ADGRB3: variants seen among roughly 807,000 people sequenced by gnomAD.
The protein encoded by ADGRB3 is adhesion G protein-coupled receptor B3.
ADGRB3 carries 37 observed loss-of-function variants against 193.4 expected under a neutral mutation model. The observed-to-expected ratio is 0.19, with a 90% CI of 0.15 to 0.25. The LOEUF is 0.25. ADGRB3 is among the 10% of genes least tolerant of loss of function. ADGRB3 has a pLI of 1.00. For missense variants in ADGRB3, 1,637 were observed against 1,852.9 expected (o/e 0.88, Z 2.14); for synonymous variants, 690 against 644.2 (o/e 1.07, Z -1.08).
chr6:68,853,137 G>A (rs1768439206), intron 3 of ADGRB3, among the ~76,000 whole-genome samples: 1 of 151,992 alleles, frequency 6.6e-6, no homozygotes, highest in Non-Finnish European at 1.5e-5. Context: ...ATTAGTGTCT[G>A]TAATTTATTT....
In ADGRB3 at chr6:69,360,875, A is replaced by T; in HGVS notation, c.3602A>T (p.His1201Leu). The T allele has an allele frequency of 6.3e-7, 1 of 1,592,866 alleles. No homozygotes were observed. The highest frequency in any genetic ancestry group is 8.5e-7 in the Non-Finnish European group (1 of 1,170,008). Residue 1201 changes from histidine (H) to leucine (L), a missense_variant, in exon 29 of 32, where the codon CAT (histidine) becomes CTT (leucine). Physicochemically the swap from His to Leu is moderately conservative, Grantham distance 99. Transcript: ENST00000370598. ...DVDIACRSVL[H>L]KDIGPCRAAT... ...TTTACATTCCTACTCACAGTTCTTC[A>T]TAAGGATATTGGTCCTTGCCGAGCA...
intron 3 of ADGRB3, among the ~76,000 whole-genome samples, chr6:68,879,526 CCTA>C (rs1765680941): frequency 6.6e-6 from 1 of 152,120 alleles, no homozygotes; most frequent in Non-Finnish European, 1.5e-5. Flanking sequence ...CCGCGCCTGG[CCTA>C]CTTTTTGTTG....
At chr6:68,810,751 A>T (rs1449231595) in intron 3 of ADGRB3, among the ~76,000 whole-genome samples, 3 of 152,188 alleles carry the variant, frequency 2.0e-5, no homozygotes, top group Non-Finnish European at 4.4e-5. Context: ...AAAATAATAT[A>T]AAAAAGTGAA....
At chr6:69,092,946 G>A (rs1772758201) in intron 17 of ADGRB3, among the ~76,000 whole-genome samples, 1 of 151,604 alleles carries the variant, frequency 6.6e-6, no homozygotes, top group African/African-American at 2.4e-5. Flanking sequence ...GGGCAGCCGA[G>A]ATTCAGGGGT....
At chr6:69,080,425 G>T (rs1174653322) in intron 17 of ADGRB3, among the ~76,000 whole-genome samples, 1 of 152,008 alleles carries the variant, frequency 6.6e-6, no homozygotes, top group Non-Finnish European at 1.5e-5. Flanking sequence ...CTGGGATAGA[G>T]TGGGACCAAA....
chr6:68,705,367 A>C (rs544234209), intron 3 of ADGRB3, among the ~76,000 whole-genome samples: 3 of 152,352 alleles, frequency 2.0e-5, no homozygotes, highest in Admixed American at 6.5e-5. Flanking sequence ...TACTTGACTT[A>C]AGTTCTGAAG....
chr6:69,324,682 A>G (rs1172816404), intron 20 of ADGRB3, among the ~76,000 whole-genome samples, 190 bp from the exon 21 acceptor site: 3 of 151,794 alleles, frequency 2.0e-5, no homozygotes, highest in East Asian at 1.9e-4. Flanking sequence ...TTTTTTTTCC[A>G]TTGTAAATAC....
intron 3 of ADGRB3, among the ~76,000 whole-genome samples, chr6:68,899,608 A>C (rs1269470289): frequency 1.3e-5 from 2 of 152,074 alleles, no homozygotes; most frequent in East Asian, 3.9e-4. Flanking sequence ...ATGTCCCTAC[A>C]AAAGACATGA....
At chr6:69,024,385 A>T (rs528705525) in intron 13 of ADGRB3, among the ~76,000 whole-genome samples, 1 of 152,334 alleles carries the variant, frequency 6.6e-6, no homozygotes, top group African/African-American at 2.4e-5. Flanking sequence ...AAGTGCAGAC[A>T]CAGTGAACAG....
intron 6 of ADGRB3, among the ~76,000 whole-genome samples, chr6:68,954,667 TTA>T (rs1421124851): frequency 1.3e-5 from 2 of 151,482 alleles, no homozygotes; most frequent in Middle Eastern, 3.4e-3. Context: ...TATGTATTAT[TTA>T]AATCGTTCAA....
rs1468313815 is a variant in ADGRB3, at chr6:69,388,837, G to A, written c.4515G>A (p.Lys1505=). Residue 1505 remains lysine (K), a synonymous_variant, in exon 32 of 32, where the codon AAG becomes AAA. Transcript: ENST00000370598. The part of the protein sequence containing the change: ...ALELRPAEWE[K]CLNLPLDVQE... ...AACTGAGGCCAGCAGAGTGGGAGAAGTGTCTGAATTTGCCTCTGGATGTGC... is the reference window on the plus strand; with the variant it reads ...AACTGAGGCCAGCAGAGTGGGAGAAATGTCTGAATTTGCCTCTGGATGTGC... 1.2e-6 allele frequency: 2 copies of A among 1,613,374 alleles called. No individual in the cohort carries two copies. Among genetic ancestry groups the A allele is most frequent in the African/African-American group, 2.7e-5 (2 of 74,888 alleles).
intron 3 of ADGRB3, among the ~76,000 whole-genome samples, chr6:68,790,648 A>C (rs1166017482): frequency 6.6e-6 from 1 of 152,308 alleles, no homozygotes; most frequent in African/African-American, 2.4e-5. Flanking sequence ...GCTGTTCTGC[A>C]GCCACCACTG....
intron 6 of ADGRB3, among the ~76,000 whole-genome samples, chr6:68,949,862 A>G (rs1013092525): frequency 6.6e-6 from 1 of 151,924 alleles, no homozygotes; most frequent in Non-Finnish European, 1.5e-5. Context: ...TTACCATTTA[A>G]TATTTTTTTC....
chr6:68,759,303 A>G lies in ADGRB3; in HGVS notation c.757+119871A>G, dbSNP rs559264539. Among the ~76,000 whole-genome samples, 12 of 152,260 alleles carry G rather than the reference A, an allele frequency of 7.9e-5. No individual in the cohort carries two copies. The East Asian group carries it at 2.3e-3, about 29-fold the overall frequency. On this transcript the variant is annotated intron_variant, in intron 3 of 31. Coordinates refer to ENST00000370598, the MANE Select transcript of ADGRB3 (RefSeq NM_001704.3). ...CAAATGAAAAGAAAATATAATCAAC[A>G]TATTCCAAATTATTTAAACTAATTT...
intron 3 of ADGRB3, among the ~76,000 whole-genome samples, chr6:68,713,913 A>G (rs1765448586): frequency 6.6e-6 from 1 of 151,724 alleles, no homozygotes; most frequent in Non-Finnish European, 1.5e-5. Flanking sequence ...TATCAAATTT[A>G]AATTATAACA....
intron 17 of ADGRB3, chr6:69,232,770 C>A (rs1025179403): frequency 1.7e-5 from 12 of 703,646 alleles, no homozygotes; most frequent in Non-Finnish European, 2.8e-5. Flanking sequence ...CCCTAACCAG[C>A]AGCAGAGAAG....
intron 3 of ADGRB3, among the ~76,000 whole-genome samples, chr6:68,745,201 T>C (rs1161026216): frequency 1.3e-5 from 2 of 152,174 alleles, no homozygotes; most frequent in South Asian, 4.1e-4. Context: ...TAAATGCCCA[T>C]TGACCATTGA....
At chr6:69,141,581 G>T (rs753015428) in intron 17 of ADGRB3, among the ~76,000 whole-genome samples, 2 of 151,954 alleles carry the variant, frequency 1.3e-5, no homozygotes, top group Non-Finnish European at 2.9e-5. Flanking sequence ...GTACCTAGTG[G>T]GTATGAGGAA....
At position 69,116,918 on chromosome 6, in the gene ADGRB3, G is replaced by T. The variant is rs186028283; in HGVS notation, c.2480+40880G>T. 4.6e-3 allele frequency among the ~76,000 whole-genome samples: 701 copies of T among 152,270 alleles called. 4 individuals are homozygous for T. The highest frequency in any genetic ancestry group is 0.016 in the African/African-American group (670 of 41,544). On this transcript the variant is annotated intron_variant, in intron 17 of 31. Coordinates refer to ENST00000370598, the MANE Select transcript of ADGRB3 (RefSeq NM_001704.3). ...CTCAGCACTGCAAGCCTGGTTCTTG[G>T]CTGGTGGGCCTCTGTGTGGCCAGCT...
Sources: allele counts gnomAD v4.1 joint callset (sites outside exome capture counted in the v4.1 genomes callset), GRCh38; gene constraint gnomAD v4.1.1; transcripts MANE v1.5; gene names NCBI Gene and HGNC (gene_info 2026-07-23, HGNC 2026-07-21).